Variants in RBM47 observed in about 807,000 individuals in gnomAD.
The protein encoded by RBM47 is RNA binding motif protein 47.
A neutral mutation model predicts 47.1 loss-of-function variants in RBM47; 21 were observed. The observed-to-expected ratio is 0.45, with a 90% CI of 0.32 to 0.64. The LOEUF (loss-of-function observed/expected upper bound fraction) is 0.64. Ranked by LOEUF, RBM47 falls within the 30% of genes least tolerant of loss-of-function variation. The pLI, the probability that RBM47 is intolerant of heterozygous loss-of-function variation, is 0.05. For synonymous variants in RBM47, 375 were observed against 361.7 expected (o/e 1.04, Z -0.42); for missense variants, 708 against 870.9 (o/e 0.81, Z 2.35).
chr4:40,540,013 C>T (rs1166960215), intron 2 of RBM47, among the ~76,000 whole-genome samples: 1 of 152,050 alleles, frequency 6.6e-6, no homozygotes, highest in Admixed American at 6.6e-5. Context: ...AAAATCTAGG[C>T]TATGATTAGT....
chr4:40,462,583 A>G lies in RBM47; in HGVS notation c.-32+3994T>C, dbSNP rs190805440. Among the ~76,000 whole-genome samples, 455 of 152,258 alleles carry G rather than the reference A, an allele frequency of 3.0e-3. 5 individuals are homozygous for G. The highest frequency in any genetic ancestry group is 0.011 in the African/African-American group (439 of 41,558). On this transcript the variant is annotated intron_variant, in intron 3 of 6. Transcript: ENST00000295971. The stretch of plus-strand genomic sequence containing the variant: ...CGCCTCACTGCTGTATCCTAGTTAC[A>G]TGAGCCATCAGTTCCCCAAACGCTT...
At chr4:40,573,152 CAA>C (rs369450436) in intron 1 of RBM47, among the ~76,000 whole-genome samples, 1,569 of 63,838 alleles carry the variant, frequency 0.025, 25 homozygotes, top group African/African-American at 0.067. Flanking sequence ...GACTTCATCT[CAA>C]AAAAAAAAAA....
rs1443254198 is a variant in RBM47, at chr4:40,629,759, G to T, written c.-603C>A. Reference sequence around the variant, plus strand: ...GACCCGAAGGCAGCGAAGTTCTCTCGGGCTCAGCTCCCGAGGCCGGGAGCG... The same window carrying T: ...GACCCGAAGGCAGCGAAGTTCTCTCTGGCTCAGCTCCCGAGGCCGGGAGCG... On this transcript the variant is annotated 5_prime_UTR_variant, in exon 1 of 7. Transcript: ENST00000295971. The T allele has an allele frequency of 6.6e-6, 1 of 152,152 alleles. No homozygotes were observed. The highest frequency in any genetic ancestry group is 1.5e-5 in the Non-Finnish European group (1 of 68,020). 9.4% of individuals were successfully genotyped at this position (152,152 alleles called of 1,614,324 possible). A position where few individuals can be genotyped will look rare whatever the true frequency, so the allele number is the denominator to read the frequency against.
intron 5 of RBM47, among the ~76,000 whole-genome samples, chr4:40,433,420 T>C (rs1055146598): frequency 2.6e-5 from 4 of 152,042 alleles, no homozygotes; most frequent in Admixed American, 2.0e-4. Flanking sequence ...ACCCCTAGAG[T>C]AAGGCTTTTG....
intron 2 of RBM47, among the ~76,000 whole-genome samples, chr4:40,509,217 TATTTG>T (rs767173531): frequency 1.3e-5 from 2 of 151,844 alleles, no homozygotes; most frequent in Non-Finnish European, 1.5e-5. Flanking sequence ...TCAAAGTAGT[TATTTG>T]ATTTAATATT....
chr4:40,476,114 C>T (rs1719573698), intron 2 of RBM47, among the ~76,000 whole-genome samples: 1 of 152,110 alleles, frequency 6.6e-6, no homozygotes, highest in South Asian at 2.1e-4. Flanking sequence ...CAGATAGATG[C>T]CCATTACATT....
intron 1 of RBM47, among the ~76,000 whole-genome samples, chr4:40,596,349 G>T (rs73134430): frequency 4.5e-4 from 68 of 152,280 alleles, no homozygotes; most frequent in African/African-American, 1.3e-3. Context: ...TAGGTTTAAG[G>T]GGGGGAAGAG....
chr4:40,466,764 T>G (rs916248944), intron 2 of RBM47, 65 bp from the exon 3 acceptor site: 1 of 69,630 alleles, frequency 1.4e-5, no homozygotes, highest in African/African-American at 7.2e-5. Context: ...ATATGTGCAT[T>G]AGAAATTGGG....
intron 2 of RBM47, among the ~76,000 whole-genome samples, chr4:40,476,017 G>A (rs1410795595): frequency 1.3e-5 from 2 of 152,178 alleles, no homozygotes; most frequent in East Asian, 3.8e-4. Context: ...CCACTTCATA[G>A]AGGACATTTA....
Position 40,573,152 on chromosome 4 carries a change from CAAAAAAAAAA to C in RBM47, c.-239-28656_-239-28647del, listed in dbSNP as rs369450436. ...TAGGTGACAGAGCAAGACTTCATCT[CAAAAAAAAAA>C]AAAAAAAAAAAATTGTAGAAGTGTT... is the stretch of plus-strand genomic sequence containing the variant. On this transcript the variant is annotated intron_variant, in intron 1 of 6. Coordinates refer to ENST00000295971, the MANE Select transcript of RBM47 (RefSeq NM_001098634.2). 5.6e-4 allele frequency among the ~76,000 whole-genome samples: 36 copies of C among 63,872 alleles called. No individual in the cohort carries two copies. In the Admixed American group the frequency reaches 6.0e-3, roughly 11 times the overall value. 41.9% of individuals were successfully genotyped at this position (63,872 alleles called of 152,430 possible).
chr4:40,616,874 CTTTTTTTTTT>C (rs1300005872), intron 1 of RBM47, among the ~76,000 whole-genome samples: 1 of 111,668 alleles, frequency 9.0e-6, no homozygotes, highest in African/African-American at 3.7e-5. Context: ...ATTTTCTTTT[CTTTTTTTTTT>C]TTTTTTTTTG....
In RBM47 at chr4:40,431,669, A is replaced by AG. The variant is rs1186511996; in HGVS notation, c.1542+981_1542+982insC. Among the ~76,000 whole-genome samples, 54 of 99,622 alleles carry AG rather than the reference A, an allele frequency of 5.4e-4. No individual in the cohort carries two copies. In the East Asian group the frequency reaches 7.9e-3, roughly 15 times the overall value. 65.4% of individuals were successfully genotyped at this position (99,622 alleles called of 152,430 possible). On this transcript the variant is annotated intron_variant, in intron 6 of 6. Coordinates refer to ENST00000295971, the MANE Select transcript of RBM47 (RefSeq NM_001098634.2). ...CGAGACTCCGTCTAAAAAAAAAAAA[A>AG]AAAGAGAGAGAAAATTTATCTAGGA...
chr4:40,439,619 A>G (rs1713312898), intron 3 of RBM47, among the ~76,000 whole-genome samples: 1 of 152,232 alleles, frequency 6.6e-6, no homozygotes, highest in Non-Finnish European at 1.5e-5. Flanking sequence ...ACTGACTTCA[A>G]GCTGGGGGAC....
At chr4:40,481,486 ATTTTTAT>A (rs1376301733) in intron 2 of RBM47, among the ~76,000 whole-genome samples, 1 of 106,824 alleles carries the variant, frequency 9.4e-6, no homozygotes, top group African/African-American at 3.6e-5. Flanking sequence ...TATTATTATT[ATTTTTAT>A]TTTTATTTTT....
chr4:40,571,678 G>T (rs920055081), intron 1 of RBM47, among the ~76,000 whole-genome samples: 2 of 151,932 alleles, frequency 1.3e-5, no homozygotes, highest in African/African-American at 4.8e-5. Context: ...GGATACAGTG[G>T]GCACTGCTCG....
intron 2 of RBM47, among the ~76,000 whole-genome samples, chr4:40,516,146 G>A (rs1162972672): frequency 6.6e-6 from 1 of 151,050 alleles, no homozygotes. Context: ...CGCCTCATCC[G>A]GGCCTCCCTT....
chr4:40,564,968 G>T (rs1730963996), intron 1 of RBM47, among the ~76,000 whole-genome samples: 1 of 152,196 alleles, frequency 6.6e-6, no homozygotes, highest in African/African-American at 2.4e-5. Context: ...CTAGAAGGAG[G>T]GCTCTCTTGT....
chr4:40,578,700 T>G (rs1024899107), intron 1 of RBM47, among the ~76,000 whole-genome samples: 1 of 152,230 alleles, frequency 6.6e-6, no homozygotes, highest in Non-Finnish European at 1.5e-5. Context: ...GGACAAGAGA[T>G]ATGACTTCTC....
intron 2 of RBM47, among the ~76,000 whole-genome samples, chr4:40,539,401 G>A: frequency 6.6e-6 from 1 of 152,080 alleles, no homozygotes; most frequent in East Asian, 1.9e-4. Flanking sequence ...CTGGGTTAGA[G>A]TCTGCCTTTT....
Sources: allele counts gnomAD v4.1 joint callset (sites outside exome capture counted in the v4.1 genomes callset), GRCh38; gene constraint gnomAD v4.1.1; transcripts MANE v1.5; gene names NCBI Gene and HGNC (gene_info 2026-07-23, HGNC 2026-07-21).